Variants in PDGFC observed in about 807,000 individuals in gnomAD.
PDGFC encodes platelet-derived growth factor C.
A neutral mutation model predicts 35.5 loss-of-function variants in PDGFC; 12 were observed. The observed-to-expected ratio is 0.34, with a 90% CI of 0.22 to 0.55. The LOEUF is 0.55. Among genes scored for constraint, PDGFC ranks in the 20% least tolerant of loss-of-function variants. The probability of loss-of-function intolerance (pLI) is 0.91; values close to 1 mark genes in which losing one functional copy is unlikely to be tolerated. For missense variants in PDGFC, 322 were observed against 412.4 expected (o/e 0.78, Z 1.90); for synonymous variants, 159 against 148.8 (o/e 1.07, Z -0.50).
chr4:156,855,998 T>G (rs1729571200), intron 1 of PDGFC, among the ~76,000 whole-genome samples: 2 of 152,162 alleles, frequency 1.3e-5, no homozygotes, highest in Non-Finnish European at 2.9e-5. Context: ...AATTGCAAAC[T>G]ATATAGAATT....
chr4:156,915,658 T>C (rs1731141269), intron 1 of PDGFC, among the ~76,000 whole-genome samples: 1 of 151,998 alleles, frequency 6.6e-6, no homozygotes, highest in African/African-American at 2.4e-5. Flanking sequence ...CTGGGAGTGG[T>C]GGTGCGTGTT....
chr4:156,864,030 T>C (rs1241200625), intron 1 of PDGFC, among the ~76,000 whole-genome samples: 1 of 152,102 alleles, frequency 6.6e-6, no homozygotes, highest in Non-Finnish European at 1.5e-5. Context: ...TTTGGTTTAG[T>C]TCATTTGTTT....
intron 5 of PDGFC, among the ~76,000 whole-genome samples, chr4:156,766,381 T>C (rs1210513067): frequency 6.6e-6 from 1 of 152,052 alleles, no homozygotes; most frequent in African/African-American, 2.4e-5. Context: ...CACAAAGAGA[T>C]CCAGTGATTG....
intron 1 of PDGFC, among the ~76,000 whole-genome samples, chr4:156,853,995 T>C (rs1002558898): frequency 2.0e-5 from 3 of 152,122 alleles, no homozygotes; most frequent in Non-Finnish European, 4.4e-5. Context: ...AAAAAGAAAG[T>C]AATAATCATA....
chr4:156,911,523 G>T (rs915748407), intron 1 of PDGFC, among the ~76,000 whole-genome samples: 7 of 151,898 alleles, frequency 4.6e-5, no homozygotes, highest in Non-Finnish European at 1.0e-4. Flanking sequence ...AGGTTGTGCA[G>T]GGCTTATTAT....
chr4:156,893,310 G>A (rs952347997), intron 1 of PDGFC, among the ~76,000 whole-genome samples: 6 of 149,974 alleles, frequency 4.0e-5, no homozygotes, highest in African/African-American at 7.3e-5. Flanking sequence ...CCATATAGAC[G>A]CAACAAGTAA....
chr4:156,919,124 A>G (rs1731216733), intron 1 of PDGFC, among the ~76,000 whole-genome samples: 1 of 152,222 alleles, frequency 6.6e-6, no homozygotes, highest in Non-Finnish European at 1.5e-5. Flanking sequence ...TTGGTAACGT[A>G]TTGCACTTGA....
intron 2 of PDGFC, among the ~76,000 whole-genome samples, chr4:156,819,477 T>G (rs191212491): frequency 6.6e-6 from 1 of 152,204 alleles, no homozygotes; most frequent in East Asian, 1.9e-4. Flanking sequence ...CTCAGTCTAC[T>G]CTGCCTATGC....
chr4:156,768,074 A>C, intron 4 of PDGFC, 84 bp from the exon 5 acceptor site: 1 of 809,186 alleles, frequency 1.2e-6, no homozygotes, highest in Non-Finnish European at 2.1e-6. Context: ...TTTCATAAAG[A>C]AATCTTACGT....
chr4:156,966,118 A>C (rs1221383103), intron 1 of PDGFC, among the ~76,000 whole-genome samples: 1 of 152,204 alleles, frequency 6.6e-6, no homozygotes, highest in African/African-American at 2.4e-5. Context: ...TGATTATCAA[A>C]TATTAGATGT....
At chr4:156,869,708 T>C (rs920405330) in intron 1 of PDGFC, among the ~76,000 whole-genome samples, 3 of 152,188 alleles carry the variant, frequency 2.0e-5, no homozygotes, top group Admixed American at 6.5e-5. Flanking sequence ...ATTTCATACT[T>C]TCTTAAAGAA....
intron 1 of PDGFC, among the ~76,000 whole-genome samples, chr4:156,930,808 G>A (rs1333995619): frequency 2.6e-5 from 4 of 152,276 alleles, no homozygotes; most frequent in Non-Finnish European, 1.5e-5. Flanking sequence ...GCCGGAGGTT[G>A]CAGTGAGCCA....
chr4:156,802,087 ACCTTTC>A (rs1731627674), intron 3 of PDGFC, among the ~76,000 whole-genome samples: 1 of 151,980 alleles, frequency 6.6e-6, no homozygotes, highest in Non-Finnish European at 1.5e-5. Context: ...CCTCTAGCCC[ACCTTTC>A]CCCTTTAAAT....
chr4:156,920,011 C>A (rs140183495), intron 1 of PDGFC, among the ~76,000 whole-genome samples: 291 of 152,118 alleles, frequency 1.9e-3, no homozygotes, highest in African/African-American at 6.7e-3. Flanking sequence ...TCAAAAAGAG[C>A]CTGGCGCCTC....
chr4:156,950,903 C>T (rs1269539567), intron 1 of PDGFC, among the ~76,000 whole-genome samples: 2 of 151,828 alleles, frequency 1.3e-5, no homozygotes, highest in African/African-American at 2.4e-5. Context: ...CATTTTTCTT[C>T]ATGTAAAAAT....
intron 3 of PDGFC, among the ~76,000 whole-genome samples, chr4:156,795,204 GCTT>G (rs1346999234): frequency 6.6e-6 from 1 of 152,100 alleles, no homozygotes; most frequent in African/African-American, 2.4e-5. Context: ...ATGAGTTATT[GCTT>G]CTTTGAAAAT....
At chr4:156,933,939 A>T (rs551662065) in intron 1 of PDGFC, among the ~76,000 whole-genome samples, 1 of 152,314 alleles carries the variant, frequency 6.6e-6, no homozygotes, top group Non-Finnish European at 1.5e-5. Context: ...AGTCAATTAA[A>T]TCTCCCTCCT....
intron 1 of PDGFC, among the ~76,000 whole-genome samples, chr4:156,962,794 T>G (rs976945712): frequency 1.3e-5 from 2 of 152,052 alleles, no homozygotes; most frequent in African/African-American, 4.8e-5. Context: ...ACGGAGAGTT[T>G]ATACACTGCA....
chr4:156,810,723 C>A, intron 3 of PDGFC, 114 bp downstream of exon 3: 1 of 666,358 alleles, frequency 1.5e-6, no homozygotes, highest in Admixed American at 3.0e-5. Context: ...AAATGAAATC[C>A]CAGCTAGGTT....
Sources: allele counts gnomAD v4.1 joint callset (sites outside exome capture counted in the v4.1 genomes callset), GRCh38; gene constraint gnomAD v4.1.1; transcripts MANE v1.5; gene names NCBI Gene and HGNC (gene_info 2026-07-23, HGNC 2026-07-21).